Variants in AK5 observed in about 807,000 individuals in gnomAD.
AK5 encodes adenylate kinase 5, also known as adenylate kinase isoenzyme 5.
In AK5, 27 loss-of-function variants were observed where a neutral mutation model predicts 69.5. That is an observed-to-expected ratio of 0.39 (90% CI 0.29 to 0.54). The LOEUF (loss-of-function observed/expected upper bound fraction) is 0.54. Ranked by LOEUF, AK5 falls within the 20% of genes least tolerant of loss-of-function variation. The pLI is 0.71. For synonymous variants in AK5, 260 were observed against 244.4 expected (o/e 1.06, Z -0.60); for missense variants, 531 against 700.4 (o/e 0.76, Z 2.73).
chr1:77,444,057 A>G (rs1484344392), intron 8 of AK5, among the ~76,000 whole-genome samples: 1 of 149,976 alleles, frequency 6.7e-6, no homozygotes, highest in East Asian at 2.0e-4. Context: ...CATCCTACAT[A>G]TTTGCTACTT....
chr1:77,497,023 A>G lies in AK5; in HGVS notation c.1147+10671A>G, dbSNP rs192276136. Among the ~76,000 whole-genome samples, 825 of 152,350 alleles carry G rather than the reference A, an allele frequency of 5.4e-3. 7 individuals carry two copies. The highest frequency in any genetic ancestry group is 0.019 in the African/African-American group (780 of 41,580). On this transcript the variant is annotated intron_variant, in intron 10 of 13. Transcript: ENST00000354567. ...CAGCAACCCACTGGGGTCCCCTTCCATGCTGTGGAAGCTTTGTTCTTTCGC... is the reference window on the plus strand; with the variant it reads ...CAGCAACCCACTGGGGTCCCCTTCCGTGCTGTGGAAGCTTTGTTCTTTCGC...
intron 12 of AK5, among the ~76,000 whole-genome samples, chr1:77,529,292 T>G (rs1258096119): frequency 6.6e-6 from 1 of 152,052 alleles, no homozygotes; most frequent in Non-Finnish European, 1.5e-5. Context: ...TGATTAATTT[T>G]TACAGTCCTA....
chr1:77,293,004 T>C (rs1658776830), intron 2 of AK5, among the ~76,000 whole-genome samples: 1 of 152,204 alleles, frequency 6.6e-6, no homozygotes. Flanking sequence ...ACTAACGTAT[T>C]GGCATGTTAT....
At chr1:77,417,806 A>G (rs1650531981) in intron 8 of AK5, 91 bp downstream of exon 8, 2 of 736,912 alleles carry the variant, frequency 2.7e-6, no homozygotes, top group Non-Finnish European at 4.5e-6. Context: ...ATAAAAACTC[A>G]TTTTGTGAAA....
chr1:77,358,196 A>G (rs1429242331), intron 6 of AK5, among the ~76,000 whole-genome samples: 1 of 152,122 alleles, frequency 6.6e-6, no homozygotes, highest in East Asian at 1.9e-4. Context: ...GTGTTTTTCT[A>G]TGATATTTTG....
At chr1:77,500,769 G>A (rs558483043) in intron 10 of AK5, among the ~76,000 whole-genome samples, 4 of 152,228 alleles carry the variant, frequency 2.6e-5, no homozygotes, top group East Asian at 1.9e-4. Context: ...GCAACAGAGC[G>A]AGACTCCATC....
chr1:77,315,565 TA>T (rs1306462831), intron 5 of AK5, among the ~76,000 whole-genome samples: 2 of 152,114 alleles, frequency 1.3e-5, no homozygotes. Context: ...AAGATTTGAT[TA>T]AAAACTTTAT....
intron 8 of AK5, among the ~76,000 whole-genome samples, chr1:77,468,061 G>C (rs968829238): frequency 1.3e-5 from 2 of 152,222 alleles, no homozygotes; most frequent in Non-Finnish European, 2.9e-5. Context: ...GGGTCTTAGA[G>C]GACTGGCCTG....
At chr1:77,322,605 G>A (rs1248584846) in intron 5 of AK5, among the ~76,000 whole-genome samples, 1 of 152,100 alleles carries the variant, frequency 6.6e-6, no homozygotes, top group Non-Finnish European at 1.5e-5. Flanking sequence ...AAAAAAGATT[G>A]GTAGCTACTG....
intron 8 of AK5, among the ~76,000 whole-genome samples, chr1:77,440,795 G>T (rs1254942688): frequency 6.6e-6 from 1 of 151,914 alleles, no homozygotes; most frequent in Non-Finnish European, 1.5e-5. Context: ...TGTCACCCAG[G>T]CTGGAGTGCA....
Position 77,411,003 on chromosome 1 carries a change from A to T in AK5, c.914A>T (p.Asp305Val). The T allele has an allele frequency of 6.2e-7, 1 of 1,613,900 alleles. No individual in the cohort carries two copies. Among genetic ancestry groups the T allele is most frequent in the Non-Finnish European group, 8.5e-7 (1 of 1,179,908 alleles). The part of the protein sequence containing the change: ...IMTFDADRDE[D>V]EVFYDISMAV... ...CAGTTTGATGCCGACCGCGATGAGG[A>T]TGAGGTGTTCTATGACATCAGCATG... is the stretch of plus-strand genomic sequence containing the variant. The change falls in exon 7 of 14, where the codon GAT (aspartate) becomes GTT (valine). Residue 305 changes from aspartate to valine, a missense_variant. Coordinates refer to ENST00000354567, the MANE Select transcript of AK5 (RefSeq NM_174858.3).
At chr1:77,429,954 G>T (rs1651491529) in intron 8 of AK5, among the ~76,000 whole-genome samples, 1 of 152,204 alleles carries the variant, frequency 6.6e-6, no homozygotes, top group South Asian at 2.1e-4. Context: ...GTAGGGCTTT[G>T]TAGAGCAGGT....
At chr1:77,483,578 C>A (rs1655405519) in intron 9 of AK5, among the ~76,000 whole-genome samples, 1 of 152,038 alleles carries the variant, frequency 6.6e-6, no homozygotes, top group Admixed American at 6.5e-5. Context: ...CTTAACTGCC[C>A]AGAGAACATG....
chr1:77,485,184 GA>G (rs1655512591), intron 9 of AK5, among the ~76,000 whole-genome samples: 1 of 152,236 alleles, frequency 6.6e-6, no homozygotes, highest in Non-Finnish European at 1.5e-5. Flanking sequence ...TCTGTAAAGA[GA>G]CTGGATTTGA....
At chr1:77,416,469 GA>G in intron 7 of AK5, among the ~76,000 whole-genome samples, 1 of 152,252 alleles carries the variant, frequency 6.6e-6, no homozygotes, top group South Asian at 2.1e-4. Flanking sequence ...TGTCCATTTT[GA>G]AAAACTTTAT....
At chr1:77,408,923 G>A (rs12730089) in intron 6 of AK5, among the ~76,000 whole-genome samples, 99,313 of 151,864 alleles carry the variant, frequency 0.65, 33,306 homozygotes, top group Non-Finnish European at 0.74. Context: ...TACTCTCCCC[G>A]CTCAAGTAAA....
At chr1:77,402,466 C>T (rs1402863807) in intron 6 of AK5, among the ~76,000 whole-genome samples, 1 of 130,426 alleles carries the variant, frequency 7.7e-6, no homozygotes, top group African/African-American at 2.9e-5. Context: ...CCACAACAGT[C>T]CCCGGTGTGT....
chr1:77,553,582 A>C (rs574027824), intron 13 of AK5, among the ~76,000 whole-genome samples: 1 of 152,298 alleles, frequency 6.6e-6, no homozygotes, highest in South Asian at 2.1e-4. Flanking sequence ...TGCCAAAGAC[A>C]AAAAATTGGA....
intron 8 of AK5, among the ~76,000 whole-genome samples, chr1:77,427,954 A>C (rs940995982): frequency 2.8e-4 from 43 of 152,214 alleles, no homozygotes; most frequent in African/African-American, 1.0e-3. Context: ...ATGGGAACTC[A>C]CTTATTACCA....
Sources: gnomAD v4.1 joint callset for allele counts (sites outside exome capture counted in the v4.1 genomes callset) on GRCh38, gnomAD v4.1.1 for gene constraint, MANE v1.5 for transcripts, NCBI Gene and HGNC (gene_info 2026-07-23, HGNC 2026-07-21) for gene names.